MGAT5: variants seen among roughly 807,000 people sequenced by gnomAD.
MGAT5 encodes the protein alpha-1,6-mannosylglycoprotein 6-beta-N-acetylglucosaminyltransferase.
In MGAT5, 30 loss-of-function variants were observed where a neutral mutation model predicts 94.3. The ratio of observed to expected loss-of-function variants is 0.32; its 90% confidence interval spans 0.24 to 0.43. The LOEUF is 0.43. Ranked by LOEUF, MGAT5 falls within the 20% of genes least tolerant of loss-of-function variation. The pLI is 1.00. For synonymous variants in MGAT5, 310 were observed against 322.9 expected (o/e 0.96, Z 0.43); for missense variants, 691 against 905.5 (o/e 0.76, Z 3.04).
intron 1 of MGAT5, among the ~76,000 whole-genome samples, chr2:134,245,038 C>T (rs973016049): frequency 3.3e-5 from 5 of 152,254 alleles, no homozygotes; most frequent in Admixed American, 6.5e-5. Context: ...TTTGAGGCAG[C>T]GTCTTGCTCT....
At chr2:134,230,001 C>G (rs988558530) in intron 1 of MGAT5, among the ~76,000 whole-genome samples, 1 of 152,190 alleles carries the variant, frequency 6.6e-6, no homozygotes, top group African/African-American at 2.4e-5. Context: ...GGATGGCTGT[C>G]ATCAAAAAGA....
chr2:134,227,600 A>G (rs1018181847), intron 1 of MGAT5, among the ~76,000 whole-genome samples: 1 of 152,212 alleles, frequency 6.6e-6, no homozygotes, highest in Non-Finnish European at 1.5e-5. Flanking sequence ...TGGAAAAGGT[A>G]AACACTAACA....
At chr2:134,338,698 C>CT (rs1337190252) in intron 6 of MGAT5, among the ~76,000 whole-genome samples, 8 of 152,254 alleles carry the variant, frequency 5.3e-5, no homozygotes, top group Non-Finnish European at 7.4e-5. Flanking sequence ...TATCAGGAAA[C>CT]TTTCCCCCAT....
chr2:134,442,081 A>C (rs1685517302), intron 15 of MGAT5, among the ~76,000 whole-genome samples, 166 bp downstream of exon 15: 1 of 152,128 alleles, frequency 6.6e-6, no homozygotes, highest in Non-Finnish European at 1.5e-5. Context: ...GAGTTAGCCC[A>C]GTGTTGTTAC....
intron 4 of MGAT5, among the ~76,000 whole-genome samples, chr2:134,334,773 G>T (rs1688237585): frequency 6.6e-6 from 1 of 152,028 alleles, no homozygotes; most frequent in Non-Finnish European, 1.5e-5. Flanking sequence ...TGGAGCTGCA[G>T]ATATTGCCTT....
chr2:134,369,149 T>G (rs940364745), intron 10 of MGAT5, among the ~76,000 whole-genome samples: 12 of 152,238 alleles, frequency 7.9e-5, no homozygotes, highest in African/African-American at 2.7e-4. Context: ...ACTTGATGAC[T>G]GAATGAATCT....
At chr2:134,237,622 CTTTT>C (rs34504085) in intron 1 of MGAT5, among the ~76,000 whole-genome samples, 1 of 62,410 alleles carries the variant, frequency 1.6e-5, no homozygotes, top group East Asian at 4.6e-4. Context: ...TGATTTAATT[CTTTT>C]TTTTTTTTTT....
intron 10 of MGAT5, among the ~76,000 whole-genome samples, chr2:134,364,578 T>G (rs1171422343): frequency 6.6e-6 from 1 of 152,194 alleles, no homozygotes; most frequent in Non-Finnish European, 1.5e-5. Context: ...CCTTCCAGAT[T>G]TTGAGGTGTG....
chr2:134,130,079 C>T (rs954857202), intron 1 of MGAT5, among the ~76,000 whole-genome samples: 21 of 152,166 alleles, frequency 1.4e-4, no homozygotes, highest in Admixed American at 1.2e-3. Flanking sequence ...CCAGCAGCTG[C>T]GGAGGAGCGC....
upstream of MGAT5, among the ~76,000 whole-genome samples, chr2:134,249,609 A>G (rs1682472757): frequency 1.3e-5 from 2 of 152,202 alleles, no homozygotes; most frequent in Non-Finnish European, 2.9e-5. Context: ...ATAATATTTA[A>G]TTGCATGGAT....
At chr2:134,447,957 T>G (rs1423452710) in intron 15 of MGAT5, among the ~76,000 whole-genome samples, 1 of 152,214 alleles carries the variant, frequency 6.6e-6, no homozygotes, top group Non-Finnish European at 1.5e-5. Context: ...TTGCCATGGC[T>G]TAAGGGTGGC....
At chr2:134,273,837 T>C (rs1012948860) in intron 2 of MGAT5, among the ~76,000 whole-genome samples, 8 of 152,190 alleles carry the variant, frequency 5.3e-5, no homozygotes, top group Non-Finnish European at 1.0e-4. Flanking sequence ...GCTCTGTTTG[T>C]CTTGTTGAAG....
intron 1 of MGAT5, among the ~76,000 whole-genome samples, chr2:134,183,385 A>G (rs139730137): frequency 6.6e-6 from 1 of 152,362 alleles, no homozygotes; most frequent in East Asian, 1.9e-4. Flanking sequence ...GGATTGACGC[A>G]ATCAAGTTCA....
chr2:134,232,515 A>C (rs1412995664), intron 1 of MGAT5, among the ~76,000 whole-genome samples: 1 of 152,224 alleles, frequency 6.6e-6, no homozygotes, highest in Non-Finnish European at 1.5e-5. Context: ...ATACCCAATA[A>C]GTAATGCTTA....
chr2:134,262,332 G>A (rs554787661), intron 1 of MGAT5, among the ~76,000 whole-genome samples: 57 of 152,322 alleles, frequency 3.7e-4, no homozygotes, highest in Middle Eastern at 6.8e-3. Context: ...CCCCCTCCCA[G>A]ACTCAAGCCT....
chr2:134,146,608 G>A (rs748542689), intron 1 of MGAT5, among the ~76,000 whole-genome samples: 2 of 152,134 alleles, frequency 1.3e-5, no homozygotes, highest in Non-Finnish European at 2.9e-5. Context: ...TGGTAGTTAT[G>A]GAATGAGAAC....
chr2:134,264,271 C>T (rs183765885), intron 1 of MGAT5, among the ~76,000 whole-genome samples: 4 of 152,284 alleles, frequency 2.6e-5, no homozygotes, highest in East Asian at 3.9e-4. Flanking sequence ...ATCGGTCCCC[C>T]TCGGCCTCCC....
chr2:134,157,566 G>A (rs1307439475), intron 1 of MGAT5, among the ~76,000 whole-genome samples: 1 of 152,110 alleles, frequency 6.6e-6, no homozygotes, highest in Non-Finnish European at 1.5e-5. Flanking sequence ...TGGAAGACAA[G>A]TCTTCCATGG....
chr2:134,350,424 T>C (rs183825744), intron 9 of MGAT5, among the ~76,000 whole-genome samples: 5 of 152,348 alleles, frequency 3.3e-5, no homozygotes, highest in Admixed American at 3.3e-4. Flanking sequence ...TTTTGTATTT[T>C]ACTGATTTTT....
Sources: gnomAD v4.1 joint callset for allele counts (sites outside exome capture counted in the v4.1 genomes callset) on GRCh38, gnomAD v4.1.1 for gene constraint, MANE v1.5 for transcripts, NCBI Gene and HGNC (gene_info 2026-07-23, HGNC 2026-07-21) for gene names.